Variants in ANO3 observed in about 807,000 individuals in gnomAD.
ANO3 encodes the protein anoctamin-3.
A neutral mutation model predicts 144.8 loss-of-function variants in ANO3; 99 were observed. That is an observed-to-expected ratio of 0.68 (90% CI 0.58 to 0.81). The LOEUF (loss-of-function observed/expected upper bound fraction) is 0.81, where lower values mean the gene tolerates loss of function less well. ANO3 is among the 30% of genes least tolerant of loss of function. The pLI is 0.00. For synonymous variants in ANO3, 414 were observed against 392.6 expected (o/e 1.05, Z -0.64); for missense variants, 905 against 1,202.2 (o/e 0.75, Z 3.66).
intron 14 of ANO3, among the ~76,000 whole-genome samples, chr11:26,572,733 C>A (rs1288425901): frequency 6.6e-6 from 1 of 152,010 alleles, no homozygotes; most frequent in African/African-American, 2.4e-5. Context: ...ATATTGGGAT[C>A]CCTGAGAACG....
In ANO3 at chr11:26,659,619, C is replaced by T. The variant is rs932163154; in HGVS notation, c.2764-643C>T. ...GTCTGAGGCAGGAGGATTGCTTAAG[C>T]CCAGGAGATGGAGGCTGGAGTCAGC... On this transcript the variant is annotated intron_variant, in intron 26 of 26. Coordinates refer to ENST00000256737, the MANE Select transcript of ANO3 (RefSeq NM_031418.4). Among the ~76,000 whole-genome samples the T allele has an allele frequency of 1.6e-4, 25 of 151,966 alleles. 1 individual carries two copies. The highest frequency in any genetic ancestry group is 5.9e-5 in the Non-Finnish European group (4 of 68,002).
chr11:26,652,780 T>C (rs562606781), intron 24 of ANO3, among the ~76,000 whole-genome samples: 7 of 152,330 alleles, frequency 4.6e-5, no homozygotes, highest in African/African-American at 1.7e-4. Context: ...TCTTCCCTTT[T>C]AAACTCTCTT....
intron 3 of ANO3, among the ~76,000 whole-genome samples, chr11:26,445,860 G>A (rs1858683333): frequency 6.6e-6 from 1 of 151,836 alleles, no homozygotes; most frequent in African/African-American, 2.4e-5. Flanking sequence ...GAGACAGAGT[G>A]TTTCTCTCTT....
chr11:26,202,740 A>T (rs1248067578), intron 1 of ANO3, among the ~76,000 whole-genome samples: 1 of 152,022 alleles, frequency 6.6e-6, no homozygotes, highest in East Asian at 1.9e-4. Flanking sequence ...AAAAAAAATC[A>T]GTGTTTAATG....
chr11:26,649,711 TG>T (rs1238362735), intron 24 of ANO3, among the ~76,000 whole-genome samples: 7 of 150,894 alleles, frequency 4.6e-5, no homozygotes, highest in Admixed American at 1.3e-4. Context: ...CACTCCAGCC[TG>T]GACGACAGGG....
At chr11:26,389,383 T>A (rs1461378) in intron 1 of ANO3, among the ~76,000 whole-genome samples, 18,826 of 151,954 alleles carry the variant, frequency 0.12, 1,314 homozygotes, top group Admixed American at 0.19. Flanking sequence ...CTTATAAGAA[T>A]TTTGTAAAGC....
At chr11:26,294,352 A>G (rs1407830551) in intron 1 of ANO3, among the ~76,000 whole-genome samples, 1 of 152,188 alleles carries the variant, frequency 6.6e-6, no homozygotes, top group African/African-American at 2.4e-5. Flanking sequence ...ATATTATGAT[A>G]TCACAGGATC....
intron 1 of ANO3, among the ~76,000 whole-genome samples, chr11:26,212,708 A>G (rs527954148): frequency 2.8e-4 from 42 of 152,176 alleles, no homozygotes; most frequent in African/African-American, 9.6e-4. Flanking sequence ...CAGAGGTACA[A>G]AAAGGAGCTG....
chr11:26,336,743 G>GAA (rs66460589), intron 1 of ANO3, among the ~76,000 whole-genome samples: 46 of 151,166 alleles, frequency 3.0e-4, no homozygotes, highest in African/African-American at 5.8e-4. Flanking sequence ...AGAGAAATAA[G>GAA]AAAAAAAAAC....
intron 26 of ANO3, among the ~76,000 whole-genome samples, chr11:26,656,732 AACTTTTGAGCCTCCT>A (rs1295260907): frequency 6.6e-6 from 1 of 152,172 alleles, no homozygotes; most frequent in Non-Finnish European, 1.5e-5. Flanking sequence ...TTGAGCTGAA[AACTTTTGAGCCTCCT>A]ACTTTTGAGC....
chr11:26,524,771 C>A (rs952843948), intron 6 of ANO3, among the ~76,000 whole-genome samples: 2 of 152,124 alleles, frequency 1.3e-5, no homozygotes, highest in Non-Finnish European at 2.9e-5. Context: ...TGTTAAGGCC[C>A]GTTATCATCT....
At chr11:26,284,402 CACTTTTATCGATGTGGAGATCA>C (rs1473275959) in intron 1 of ANO3, among the ~76,000 whole-genome samples, 18 of 152,110 alleles carry the variant, frequency 1.2e-4, no homozygotes, top group African/African-American at 3.9e-4. Context: ...GCATGCTGCA[CACTTTTATCGATGTGGAGATCA>C]ACTGGAAGTG....
intron 4 of ANO3, among the ~76,000 whole-genome samples, chr11:26,472,897 C>A (rs368551348): frequency 6.6e-6 from 1 of 151,918 alleles, no homozygotes; most frequent in East Asian, 1.9e-4. Context: ...GAATAAAGCA[C>A]TGTTGTGTTT....
chr11:26,352,774 G>A (rs575027079), intron 1 of ANO3, among the ~76,000 whole-genome samples: 115 of 152,192 alleles, frequency 7.6e-4, no homozygotes, highest in Middle Eastern at 3.4e-3. Flanking sequence ...TATGTATTCT[G>A]GTTGTAATTC....
intron 14 of ANO3, among the ~76,000 whole-genome samples, chr11:26,566,144 C>T (rs1007071249): frequency 2.2e-4 from 33 of 151,976 alleles, no homozygotes; most frequent in Admixed American, 3.9e-4. Flanking sequence ...TCAAGCCACA[C>T]ACTGCTATTT....
At chr11:26,404,140 T>C (rs907758677) in intron 1 of ANO3, among the ~76,000 whole-genome samples, 2 of 151,906 alleles carry the variant, frequency 1.3e-5, no homozygotes, top group Admixed American at 6.6e-5. Flanking sequence ...GCTCATCCTC[T>C]TGATACGATA....
chr11:26,278,201 C>T (rs1160438306), intron 1 of ANO3, among the ~76,000 whole-genome samples: 1 of 152,102 alleles, frequency 6.6e-6, no homozygotes, highest in Non-Finnish European at 1.5e-5. Context: ...ATCAGAGCAT[C>T]ATATTCTTCT....
chr11:26,553,308 C>T lies in ANO3; in HGVS notation c.1349C>T (p.Ser450Phe). 1 of 1,609,302 alleles carries T rather than the reference C, an allele frequency of 6.2e-7. No homozygotes were observed. The highest frequency in any genetic ancestry group is 8.5e-7 in the Non-Finnish European group (1 of 1,177,150). The change falls in exon 13 of 27, where the codon TCC becomes TTC. Residue 450 changes from serine (S) to phenylalanine (F), a missense_variant. Coordinates refer to ENST00000256737, the MANE Select transcript of ANO3 (RefSeq NM_031418.4). ...TGCCCTCTCTGTGACAAGAACTGCTCCCTGCAGAGACTCAACGACAGCTGT... is the reference window on the plus strand; with the variant it reads ...TGCCCTCTCTGTGACAAGAACTGCTTCCTGCAGAGACTCAACGACAGCTGT... ...FMCPLCDKNCSLQRLNDSCIY... is the reference protein window; with the variant it reads ...FMCPLCDKNCFLQRLNDSCIY...
chr11:26,616,799 GTCTC>G (rs1238320549), intron 17 of ANO3, among the ~76,000 whole-genome samples: 1 of 152,062 alleles, frequency 6.6e-6, no homozygotes, highest in African/African-American at 2.4e-5. Flanking sequence ...TTGAGATGGA[GTCTC>G]TCTCTGTTGC....
Sources: allele counts gnomAD v4.1 joint callset (sites outside exome capture counted in the v4.1 genomes callset), GRCh38; gene constraint gnomAD v4.1.1; transcripts MANE v1.5; gene names NCBI Gene and HGNC (gene_info 2026-07-23, HGNC 2026-07-21).